The following SOCS4 variants were observed in gnomAD, a reference collection of about 807,000 sequenced individuals.
SOCS4 encodes suppressor of cytokine signaling 4.
A neutral mutation model predicts 34.1 loss-of-function variants in SOCS4; 20 were observed. The ratio of observed to expected loss-of-function variants is 0.59; its 90% CI spans 0.41 to 0.85. SOCS4 has a LOEUF of 0.85. Ranked by LOEUF, SOCS4 falls within the 40% of genes least tolerant of loss-of-function variation. The pLI is 0.00. For missense variants in SOCS4, 479 were observed against 532.4 expected (o/e 0.90, Z 0.99); for synonymous variants, 180 against 186.4 (o/e 0.97, Z 0.28).
At position 55,047,228 on chromosome 14, in the gene SOCS4, G is replaced by A. The variant is rs755185230; in HGVS notation, c.*2864G>A. ...GACAGTGAAAAGAAACTACTTAATC[G>A]CTAATAGCTAGTCTGGACCAGACAC... On this transcript the variant is annotated 3_prime_UTR_variant, in exon 3 of 3. Coordinates refer to ENST00000555846, the MANE Select transcript of SOCS4 (RefSeq NM_199421.2). 6.0e-6 allele frequency: 1 copy of A among 167,002 alleles called. No individual in the cohort carries two copies. The highest frequency in any genetic ancestry group is 1.5e-5 in the Non-Finnish European group (1 of 68,086). 10.3% of individuals were successfully genotyped at this position (167,002 alleles called of 1,614,324 possible). A position where few individuals can be genotyped will look rare whatever the true frequency, so the allele number is the denominator to read the frequency against.
At chr14:55,041,670 T>TCAC (rs1273407147) in intron 2 of SOCS4, among the ~76,000 whole-genome samples, 1 of 151,478 alleles carries the variant, frequency 6.6e-6, no homozygotes, top group Non-Finnish European at 1.5e-5. Context: ...AGACAGGGTG[T>TCAC]CACCATGTTG....
intron 1 of SOCS4, among the ~76,000 whole-genome samples, chr14:55,029,817 T>G (rs981910312): frequency 5.3e-5 from 8 of 152,170 alleles, no homozygotes; most frequent in African/African-American, 1.9e-4. Flanking sequence ...TTAATAATTT[T>G]GGGGTAAATA....
chr14:55,039,951 T>C (rs1018479979), intron 2 of SOCS4, among the ~76,000 whole-genome samples: 14 of 152,030 alleles, frequency 9.2e-5, no homozygotes, highest in African/African-American at 3.4e-4. Flanking sequence ...CATATGGAAG[T>C]GAAGGAAGAA....
At chr14:55,031,565 A>C (rs959763204) in intron 1 of SOCS4, among the ~76,000 whole-genome samples, 4 of 152,208 alleles carry the variant, frequency 2.6e-5, no homozygotes, top group Non-Finnish European at 4.4e-5. Flanking sequence ...ACTAGTGTCC[A>C]CAAGAGTACA....
chr14:55,038,677 T>C (rs1251296905), intron 2 of SOCS4, among the ~76,000 whole-genome samples: 1 of 152,162 alleles, frequency 6.6e-6, no homozygotes, highest in Non-Finnish European at 1.5e-5. Flanking sequence ...TAGTTCAGTT[T>C]CTCCAAATAA....
intron 2 of SOCS4, among the ~76,000 whole-genome samples, chr14:55,032,378 A>G (rs1197125765): frequency 6.6e-6 from 1 of 152,250 alleles, no homozygotes; most frequent in Non-Finnish European, 1.5e-5. Context: ...GAAAATTGAC[A>G]TAATGGGCAC....
At chr14:55,028,695 T>A (rs2042496393) in intron 1 of SOCS4, among the ~76,000 whole-genome samples, 1 of 152,220 alleles carries the variant, frequency 6.6e-6, no homozygotes, top group Admixed American at 6.5e-5. Flanking sequence ...ACATCTGTCA[T>A]TTTCTCTTAT....
intron 2 of SOCS4, among the ~76,000 whole-genome samples, chr14:55,041,383 G>C (rs567503391): frequency 1.3e-5 from 2 of 151,796 alleles, no homozygotes; most frequent in East Asian, 3.9e-4. Flanking sequence ...ATATCAGACT[G>C]TTGAGTATGA....
At chr14:55,029,651 C>T (rs1218913821) in intron 1 of SOCS4, among the ~76,000 whole-genome samples, 1 of 152,006 alleles carries the variant, frequency 6.6e-6, no homozygotes, top group Non-Finnish European at 1.5e-5. Context: ...AAAATATGTA[C>T]TTGGTGTAAA....
At chr14:55,036,709 C>G (rs2042575207) in intron 2 of SOCS4, among the ~76,000 whole-genome samples, 1 of 152,076 alleles carries the variant, frequency 6.6e-6, no homozygotes, top group Non-Finnish European at 1.5e-5. Context: ...TTGTTGTTTT[C>G]TGTGAAATGC....
intron 1 of SOCS4, chr14:55,027,764 A>G (rs1417056943): frequency 1.3e-5 from 2 of 152,294 alleles, no homozygotes; most frequent in African/African-American, 4.8e-5. Flanking sequence ...TGAAGGTATA[A>G]TTAATTAATG....
At chr14:55,038,219 T>C (rs866993799) in intron 2 of SOCS4, among the ~76,000 whole-genome samples, 8 of 152,332 alleles carry the variant, frequency 5.3e-5, no homozygotes, top group Middle Eastern at 6.8e-3. Flanking sequence ...ATGATTCAAT[T>C]ATCTCCACCT....
rs1271444182 is a variant in SOCS4 at position 55,043,973 on chromosome 14, G to A, written c.932G>A (p.Arg311Gln). The A allele has an allele frequency of 4.3e-6, 7 of 1,613,974 alleles. No homozygotes were observed. Among genetic ancestry groups the A allele is most frequent in the African/African-American group, 2.7e-5 (2 of 74,896 alleles). ...AAACCAGAGGGTACCTTTTTACTTC[G>A]AGACTCAGCACAGGAAGACTATTTA... ...EGKPEGTFLL[R>Q]DSAQEDYLFS... Residue 311 changes from arginine (R) to glutamine (Q), a missense_variant, in exon 3 of 3, where the codon CGA becomes CAA. Physicochemically the swap from Arg to Gln is conservative, Grantham distance 43. Transcript: ENST00000555846.
At chr14:55,036,532 C>T (rs1226599965) in intron 2 of SOCS4, among the ~76,000 whole-genome samples, 3 of 151,730 alleles carry the variant, frequency 2.0e-5, no homozygotes, top group South Asian at 2.1e-4. Flanking sequence ...TTAGTAGAGA[C>T]GGGGTTTTAC....
At chr14:55,041,705 C>T (rs1408032982) in intron 2 of SOCS4, among the ~76,000 whole-genome samples, 1 of 151,102 alleles carries the variant, frequency 6.6e-6, no homozygotes, top group Non-Finnish European at 1.5e-5. Context: ...GAACTCCTGA[C>T]CTCATGATCC....
In SOCS4 at chr14:55,048,876, T is replaced by A. The variant is rs2042700731; in HGVS notation, c.*4512T>A. 1 of 167,072 alleles carries A rather than the reference T, an allele frequency of 6.0e-6. No homozygotes were observed. The highest frequency in any genetic ancestry group is 2.4e-5 in the African/African-American group (1 of 41,472). The allele number at this position is 167,072 out of a possible 1,614,324, so 10.3% of individuals were successfully genotyped here. A position where few individuals can be genotyped will look rare whatever the true frequency, so the allele number is the denominator to read the frequency against. On this transcript the variant is annotated 3_prime_UTR_variant, in exon 3 of 3. Coordinates refer to ENST00000555846, the MANE Select transcript of SOCS4 (RefSeq NM_199421.2). ...GGAGCGTACTTTAAAATAATTGCTGTACAGCCATTGAGTACTAACATGATG... is the reference window on the plus strand; with the variant it reads ...GGAGCGTACTTTAAAATAATTGCTGAACAGCCATTGAGTACTAACATGATG...
In SOCS4 at chr14:55,044,525, A is replaced by G. The variant is rs149600604; in HGVS notation, c.*161A>G. ...AAATCCATTTTTCTAGTGATACACA[A>G]ATTGTTTAAGGTTATACACTCGAGC... On this transcript the variant is annotated 3_prime_UTR_variant, in exon 3 of 3. Coordinates refer to ENST00000555846, the MANE Select transcript of SOCS4 (RefSeq NM_199421.2). The G allele has an allele frequency of 1.3e-3, 595 of 443,482 alleles. 2 individuals are homozygous for G. The highest frequency in any genetic ancestry group is 0.011 in the African/African-American group (532 of 48,800). The allele number at this position is 443,482 out of a possible 1,614,324, so 27.5% of individuals were successfully genotyped here. A position where few individuals can be genotyped will look rare whatever the true frequency, so the allele number is the denominator to read the frequency against.
chr14:55,037,015 C>T (rs1299954152), intron 2 of SOCS4, among the ~76,000 whole-genome samples: 1 of 151,922 alleles, frequency 6.6e-6, no homozygotes, highest in African/African-American at 2.4e-5. Context: ...ATTTGGGAGG[C>T]TGAGGCAGGA....
rs747648914 is a variant in SOCS4, at chr14:55,043,114, G to A, written c.73G>A (p.Asp25Asn). 133 of 1,614,034 alleles carry A rather than the reference G, an allele frequency of 8.2e-5. No homozygotes were observed. Among genetic ancestry groups the A allele is most frequent in the Non-Finnish European group, 1.0e-4 (120 of 1,180,022 alleles). Residue 25 changes from aspartate (D) to asparagine (N), a missense_variant, in exon 3 of 3, where the codon GAC becomes AAC. Transcript: ENST00000555846. The part of the protein sequence containing the change: ...RPKTSRSRSA[D>N]RKDGYVWSGK... Reference sequence around the variant, plus strand: ...CAAAACTAGTCGGAGCAGAAGTGCCGACAGAAAAGACGGTTATGTGTGGAG... The same window carrying A: ...CAAAACTAGTCGGAGCAGAAGTGCCAACAGAAAAGACGGTTATGTGTGGAG...
Sources: gnomAD v4.1 joint callset for allele counts (sites outside exome capture counted in the v4.1 genomes callset) on GRCh38, gnomAD v4.1.1 for gene constraint, MANE v1.5 for transcripts, NCBI Gene and HGNC (gene_info 2026-07-23, HGNC 2026-07-21) for gene names.